Variants in PRKAR2A observed in about 807,000 individuals in gnomAD.
The protein encoded by PRKAR2A is cAMP-dependent protein kinase type II-alpha regulatory subunit.
Under a neutral mutation model 51.9 loss-of-function variants are expected in PRKAR2A, and 29 were observed. The observed-to-expected ratio is 0.56, with a 90% CI of 0.42 to 0.76. The LOEUF (loss-of-function observed/expected upper bound fraction) is 0.76. Ranked by LOEUF, PRKAR2A falls within the 30% of genes least tolerant of loss-of-function variation. The pLI, the probability that PRKAR2A is intolerant of heterozygous loss-of-function variation, is 0.00. For synonymous variants in PRKAR2A, 178 were observed against 186.2 expected (o/e 0.96, Z 0.36); for missense variants, 445 against 512.1 (o/e 0.87, Z 1.26).
In PRKAR2A at chr3:48,749,675, T is replaced by A. The variant is rs1436803888; in HGVS notation, c.*1910A>T. 6.6e-6 allele frequency: 1 copy of A among 151,812 alleles called. No individual in the cohort carries two copies. Among genetic ancestry groups the A allele is most frequent in the Non-Finnish European group, 1.5e-5 (1 of 67,986 alleles). 9.4% of individuals were successfully genotyped at this position (151,812 alleles called of 1,614,324 possible). On this transcript the variant is annotated 3_prime_UTR_variant, in exon 11 of 11. Coordinates refer to ENST00000265563, the MANE Select transcript of PRKAR2A (RefSeq NM_004157.4). ...TTTTGTATTTTTAGTAGAGACGGGG[T>A]TTCACTATGTTGGCCAGGCTGGTCT...
chr3:48,759,925 C>A (rs1443572650), intron 8 of PRKAR2A, among the ~76,000 whole-genome samples: 1 of 152,146 alleles, frequency 6.6e-6, no homozygotes, highest in Non-Finnish European at 1.5e-5. Context: ...TGGTTTAATG[C>A]AATGGTACTT....
intron 5 of PRKAR2A, among the ~76,000 whole-genome samples, chr3:48,776,907 A>G (rs1345137368): frequency 6.6e-6 from 1 of 152,126 alleles, no homozygotes; most frequent in East Asian, 1.9e-4. Context: ...ATTAAATCAC[A>G]CAACAATGTA....
intron 4 of PRKAR2A, among the ~76,000 whole-genome samples, chr3:48,786,668 A>G (rs1211554745): frequency 6.6e-6 from 1 of 151,838 alleles, no homozygotes; most frequent in African/African-American, 2.4e-5. Flanking sequence ...TTTAAAAAAG[A>G]TAACTTGGGG....
chr3:48,752,356 G>C (rs760071718), intron 9 of PRKAR2A, 39 bp from the exon 10 acceptor site: 1 of 1,600,310 alleles, frequency 6.2e-7, no homozygotes, highest in Non-Finnish European at 8.5e-7. Flanking sequence ...CTGACTCCAG[G>C]ATCACAGCTG....
chr3:48,792,653 G>T (rs1054183928), intron 3 of PRKAR2A, among the ~76,000 whole-genome samples: 22 of 150,800 alleles, frequency 1.5e-4, no homozygotes, highest in African/African-American at 5.1e-4. Context: ...TAGAGACAAG[G>T]TTTCGCCATG....
chr3:48,752,039 T>A (rs554109490), intron 10 of PRKAR2A, 137 bp downstream of exon 10: 1 of 972,452 alleles, frequency 1.0e-6, no homozygotes, highest in East Asian at 2.6e-5. Flanking sequence ...CATCCATTCA[T>A]CCATCTCTGG....
intron 2 of PRKAR2A, among the ~76,000 whole-genome samples, chr3:48,800,818 G>A (rs1239455199): frequency 2.7e-5 from 4 of 150,898 alleles, no homozygotes; most frequent in African/African-American, 4.9e-5. Flanking sequence ...GACTACAGGC[G>A]CCCGCCACCA....
In PRKAR2A at chr3:48,751,537, C is replaced by T. The variant is rs376989631; in HGVS notation, c.*48G>A. Reference sequence around the variant, plus strand: ...TTTTCTGTATGTGTTCTGTGGCTGACCAGAAGGTTTTGGTGTCACACTAAG... The same window carrying T: ...TTTTCTGTATGTGTTCTGTGGCTGATCAGAAGGTTTTGGTGTCACACTAAG... On this transcript the variant is annotated 3_prime_UTR_variant, in exon 11 of 11. Transcript: ENST00000265563. 3 of 1,602,272 alleles carry T rather than the reference C, an allele frequency of 1.9e-6. No individual in the cohort carries two copies. Among genetic ancestry groups the T allele is most frequent in the Non-Finnish European group, 1.7e-6 (2 of 1,172,184 alleles).
intron 1 of PRKAR2A, among the ~76,000 whole-genome samples, chr3:48,813,647 T>C (rs957761081): frequency 7.9e-5 from 12 of 151,686 alleles, no homozygotes; most frequent in Non-Finnish European, 1.8e-4. Context: ...TGAGCCGAGA[T>C]TGTGCCACTG....
chr3:48,835,155 G>C (rs2083260235), intron 1 of PRKAR2A, among the ~76,000 whole-genome samples: 1 of 152,044 alleles, frequency 6.6e-6, no homozygotes. Flanking sequence ...ATTTTTAGTA[G>C]AGACGGGGTT....
intron 8 of PRKAR2A, among the ~76,000 whole-genome samples, chr3:48,757,249 C>G (rs2081786113): frequency 6.6e-6 from 1 of 152,116 alleles, no homozygotes. Context: ...AGTGCTTGAG[C>G]CCTTTTTGTT....
At chr3:48,818,062 A>G (rs1243163831) in intron 1 of PRKAR2A, among the ~76,000 whole-genome samples, 1 of 152,178 alleles carries the variant, frequency 6.6e-6, no homozygotes, top group Non-Finnish European at 1.5e-5. Flanking sequence ...TTATACATAA[A>G]TATTAACACT....
At chr3:48,838,941 G>A (rs1053599065) in intron 1 of PRKAR2A, among the ~76,000 whole-genome samples, 34 of 147,690 alleles carry the variant, frequency 2.3e-4, no homozygotes, top group Non-Finnish European at 3.0e-5. Context: ...CCGAGATCGC[G>A]CCACTGCACT....
chr3:48,772,908 G>T, intron 6 of PRKAR2A, 47 bp downstream of exon 6: 2 of 1,547,234 alleles, frequency 1.3e-6, no homozygotes, highest in African/African-American at 1.4e-5. Context: ...GACACAGAAA[G>T]GGAATTAATA....
intron 1 of PRKAR2A, among the ~76,000 whole-genome samples, chr3:48,845,636 C>T (rs945492882): frequency 6.6e-6 from 1 of 152,138 alleles, no homozygotes; most frequent in Admixed American, 6.6e-5. Flanking sequence ...AACACTCTTG[C>T]GTAGATCAGA....
At chr3:48,771,146 A>G (rs2082023307) in intron 6 of PRKAR2A, among the ~76,000 whole-genome samples, 1 of 152,110 alleles carries the variant, frequency 6.6e-6, no homozygotes, top group Non-Finnish European at 1.5e-5. Flanking sequence ...AGGTAGGAGA[A>G]TCGCTTGAAC....
chr3:48,786,729 T>C (rs1024881237), intron 4 of PRKAR2A, among the ~76,000 whole-genome samples: 4 of 152,088 alleles, frequency 2.6e-5, no homozygotes, highest in African/African-American at 9.7e-5. Context: ...TTAATCATAA[T>C]AGCTAAAAAC....
chr3:48,759,384 C>CCTTTTTT (rs1559602830), intron 8 of PRKAR2A, among the ~76,000 whole-genome samples: 2 of 138,306 alleles, frequency 1.4e-5, no homozygotes. Flanking sequence ...CATCCTGCCC[C>CCTTTTTT]TTTTTTTTTT....
intron 6 of PRKAR2A, among the ~76,000 whole-genome samples, chr3:48,770,417 G>A (rs942925339): frequency 6.6e-6 from 1 of 152,086 alleles, no homozygotes; most frequent in African/African-American, 2.4e-5. Context: ...ATAAAAGCAG[G>A]AATGTAGGAT....
Sources: allele counts gnomAD v4.1 joint callset (sites outside exome capture counted in the v4.1 genomes callset), GRCh38; gene constraint gnomAD v4.1.1; transcripts MANE v1.5; gene names NCBI Gene and HGNC (gene_info 2026-07-23, HGNC 2026-07-21).